Variants in PPP2R5E observed in about 807,000 individuals in gnomAD.
The protein encoded by PPP2R5E is protein phosphatase 2 regulatory subunit B'epsilon.
In PPP2R5E, 4 loss-of-function variants were observed where a neutral mutation model predicts 65.3. The observed-to-expected ratio is 0.06, with a 90% CI of 0.03 to 0.14. The LOEUF is 0.14. Among genes scored for constraint, PPP2R5E ranks in the 10% least tolerant of loss-of-function variants. The pLI, the probability that PPP2R5E is intolerant of heterozygous loss-of-function variation, is 1.00. For missense variants in PPP2R5E, 274 were observed against 556.1 expected (o/e 0.49, Z 5.10); for synonymous variants, 183 against 187.4 (o/e 0.98, Z 0.19).
intron 3 of PPP2R5E, among the ~76,000 whole-genome samples, chr14:63,448,331 G>A (rs988708382): frequency 6.6e-6 from 1 of 151,934 alleles, no homozygotes; most frequent in African/African-American, 2.4e-5. Context: ...TTTTTAAAAA[G>A]TAACTTCAAA....
intron 12 of PPP2R5E, 123 bp from the exon 13 acceptor site, chr14:63,382,280 T>C: frequency 1.9e-6 from 1 of 525,912 alleles, no homozygotes; most frequent in Non-Finnish European, 3.2e-6. Context: ...TCTGTATCCT[T>C]TTTTAGTTGG....
intron 2 of PPP2R5E, among the ~76,000 whole-genome samples, chr14:63,503,995 T>C (rs979354029): frequency 1.3e-5 from 2 of 152,154 alleles, no homozygotes; most frequent in Non-Finnish European, 2.9e-5. Flanking sequence ...AGTGCAAAAT[T>C]TGAATACATC....
intron 5 of PPP2R5E, among the ~76,000 whole-genome samples, chr14:63,405,561 T>C (rs1354812863): frequency 1.3e-5 from 2 of 152,222 alleles, no homozygotes; most frequent in African/African-American, 2.4e-5. Flanking sequence ...GCAGTACATA[T>C]GTTTACGGGG....
At chr14:63,430,440 TG>T (rs1887615375) in intron 3 of PPP2R5E, among the ~76,000 whole-genome samples, 2 of 152,180 alleles carry the variant, frequency 1.3e-5, no homozygotes, top group South Asian at 4.2e-4. Flanking sequence ...CATATTCAAC[TG>T]TAAGAATAAG....
chr14:63,441,396 A>G (rs548713033), intron 3 of PPP2R5E, among the ~76,000 whole-genome samples: 6 of 152,218 alleles, frequency 3.9e-5, no homozygotes, highest in African/African-American at 1.4e-4. Context: ...CTCTAGCCCA[A>G]ATGGTTTCAC....
intron 2 of PPP2R5E, among the ~76,000 whole-genome samples, chr14:63,539,301 T>C (rs909073067): frequency 3.4e-4 from 51 of 152,216 alleles, no homozygotes; most frequent in Non-Finnish European, 7.2e-4. Flanking sequence ...CTCATCAATG[T>C]GAGATATTCT....
chr14:63,407,685 C>A (rs1410429207), intron 5 of PPP2R5E, among the ~76,000 whole-genome samples: 1 of 152,184 alleles, frequency 6.6e-6, no homozygotes, highest in African/African-American at 2.4e-5. Flanking sequence ...TTGCTATAGT[C>A]TGAATGTGTC....
chr14:63,384,639 T>A, intron 11 of PPP2R5E, 68 bp from the exon 12 acceptor site: 2 of 1,367,098 alleles, frequency 1.5e-6, no homozygotes, highest in Non-Finnish European at 1.0e-6. Flanking sequence ...ATTATAAATC[T>A]TTCCAAACAA....
chr14:63,540,722 CAA>C (rs554898958), intron 1 of PPP2R5E, among the ~76,000 whole-genome samples: 7 of 91,716 alleles, frequency 7.6e-5, no homozygotes, highest in Admixed American at 1.2e-4. Context: ...AACTCCTTCT[CAA>C]AAAAAAAAAA....
intron 3 of PPP2R5E, among the ~76,000 whole-genome samples, chr14:63,448,385 A>G (rs987501075): frequency 5.9e-5 from 9 of 152,252 alleles, no homozygotes; most frequent in African/African-American, 2.2e-4. Flanking sequence ...GTAACAATGC[A>G]AAGGTTTGCA....
chr14:63,515,684 C>T (rs1892644325), intron 2 of PPP2R5E, among the ~76,000 whole-genome samples: 1 of 151,462 alleles, frequency 6.6e-6, no homozygotes, highest in South Asian at 2.1e-4. Flanking sequence ...CCATGCCTGG[C>T]TAATTTTTGT....
chr14:63,520,049 T>A (rs948273767), intron 2 of PPP2R5E, among the ~76,000 whole-genome samples: 9 of 151,546 alleles, frequency 5.9e-5, no homozygotes, highest in Non-Finnish European at 2.9e-5. Context: ...GCTACAACAT[T>A]TTTTGAAACG....
At chr14:63,484,203 C>T (rs949046352) in intron 2 of PPP2R5E, among the ~76,000 whole-genome samples, 9 of 151,956 alleles carry the variant, frequency 5.9e-5, no homozygotes, top group African/African-American at 1.9e-4. Context: ...TGAAAGGGAC[C>T]GGACCAAGGA....
intron 2 of PPP2R5E, among the ~76,000 whole-genome samples, chr14:63,521,394 C>T (rs556248885): frequency 1.3e-4 from 20 of 152,008 alleles, no homozygotes; most frequent in Non-Finnish European, 2.4e-4. Flanking sequence ...GTTGGCCGGG[C>T]GCAGTGGCTC....
intron 2 of PPP2R5E, among the ~76,000 whole-genome samples, chr14:63,495,894 T>G (rs1891535236): frequency 6.6e-6 from 1 of 151,994 alleles, no homozygotes; most frequent in South Asian, 2.1e-4. Context: ...TTTCCCTATG[T>G]TGCCCGAGCT....
intron 4 of PPP2R5E, among the ~76,000 whole-genome samples, chr14:63,420,710 A>C (rs1382379676): frequency 6.6e-6 from 1 of 152,200 alleles, no homozygotes; most frequent in Non-Finnish European, 1.5e-5. Flanking sequence ...AACTCTTAGA[A>C]TATCTCTAGG....
intron 5 of PPP2R5E, among the ~76,000 whole-genome samples, chr14:63,407,683 G>A (rs1190759005): frequency 3.3e-5 from 5 of 152,162 alleles, no homozygotes; most frequent in African/African-American, 1.2e-4. Context: ...TATTGCTATA[G>A]TCTGAATGTG....
At chr14:63,494,796 C>A (rs1478756111) in intron 2 of PPP2R5E, among the ~76,000 whole-genome samples, 4 of 151,974 alleles carry the variant, frequency 2.6e-5, no homozygotes, top group African/African-American at 9.7e-5. Context: ...ACTTGGGAGG[C>A]TGAGATGGGA....
At chr14:63,506,591 G>C (rs1451134750) in intron 2 of PPP2R5E, among the ~76,000 whole-genome samples, 2 of 152,138 alleles carry the variant, frequency 1.3e-5, no homozygotes, top group East Asian at 3.8e-4. Flanking sequence ...CAGCCATCCA[G>C]GAAATGCAAA....
Sources: allele counts gnomAD v4.1 joint callset (sites outside exome capture counted in the v4.1 genomes callset), GRCh38; gene constraint gnomAD v4.1.1; transcripts MANE v1.5; gene names NCBI Gene and HGNC (gene_info 2026-07-23, HGNC 2026-07-21).